Variants in TMEM236 observed in about 807,000 individuals in gnomAD.
TMEM236 encodes transmembrane protein 236.
Under a neutral mutation model 14.7 loss-of-function variants are expected in TMEM236, and 11 were observed. The ratio of observed to expected loss-of-function variants is 0.75; its 90% CI spans 0.47 to 1.24. The LOEUF is 1.24. Among genes scored for constraint, TMEM236 ranks in the 50% most tolerant of loss-of-function variants. The pLI is 0.00. For synonymous variants in TMEM236, 182 were observed against 168.6 expected, an observed-to-expected ratio of 1.08 and a Z score of -0.62; for missense variants, 464 against 427.3, an observed-to-expected ratio of 1.09 and a Z score of -0.76.
In TMEM236 at chr10:17,752,645, C is replaced by A; in HGVS notation, c.257+93C>A. On this transcript the variant is annotated intron_variant, in intron 1 of 3. Coordinates refer to ENST00000377495, the MANE Select transcript of TMEM236 (RefSeq NM_001098844.3). The stretch of plus-strand genomic sequence containing the variant: ...GCAGTAGGGCAGTCTTGGCTCACTG[C>A]AACGTCCGCCTCCTGGGTTCAAGTG... 2.4e-6 allele frequency: 3 copies of A among 1,244,780 alleles called. No individual in the cohort carries two copies. The South Asian group carries it at 3.7e-5, about 15-fold the overall frequency. The allele number at this position is 1,244,780 out of a possible 1,614,324, so 77.1% of individuals were successfully genotyped here. A position where few individuals can be genotyped will look rare whatever the true frequency, so the allele number is the denominator to read the frequency against.
At chr10:17,794,712 C>T (rs1837982578) in intron 3 of TMEM236, among the ~76,000 whole-genome samples, 1 of 152,170 alleles carries the variant, frequency 6.6e-6, no homozygotes, top group South Asian at 2.1e-4. Flanking sequence ...TTCAGCATGT[C>T]ACTCTTCACT....
intron 1 of TMEM236, among the ~76,000 whole-genome samples, chr10:17,770,077 A>T (rs1837543767): frequency 6.6e-6 from 1 of 152,170 alleles, no homozygotes; most frequent in South Asian, 2.1e-4. Flanking sequence ...ATAAGTGAGA[A>T]CATACAGTAT....
intron 3 of TMEM236, among the ~76,000 whole-genome samples, chr10:17,791,549 C>A (rs888682333): frequency 6.6e-6 from 1 of 152,128 alleles, no homozygotes; most frequent in African/African-American, 2.4e-5. Context: ...GTGCCTGATA[C>A]GTACAAAGTT....
intron 2 of TMEM236, among the ~76,000 whole-genome samples, chr10:17,773,178 G>C (rs1326472656): frequency 2.6e-5 from 4 of 152,148 alleles, no homozygotes; most frequent in Non-Finnish European, 5.9e-5. Flanking sequence ...ATTTCTGTTG[G>C]TTATGTATGC....
At chr10:17,752,675 T>A in intron 1 of TMEM236, 123 bp downstream of exon 1, 1 of 966,782 alleles carries the variant, frequency 1.0e-6, no homozygotes, top group Non-Finnish European at 1.6e-6. Context: ...CAAGTGATTC[T>A]CCTGCCTCAG....
At chr10:17,756,021 C>CT in intron 1 of TMEM236, among the ~76,000 whole-genome samples, 1 of 152,306 alleles carries the variant, frequency 6.6e-6, no homozygotes, top group South Asian at 2.1e-4. Flanking sequence ...AATCCCAACA[C>CT]TTTGGGAGGC....
intron 3 of TMEM236, among the ~76,000 whole-genome samples, chr10:17,792,350 A>G (rs1455958951): frequency 6.6e-6 from 1 of 152,146 alleles, no homozygotes; most frequent in Non-Finnish European, 1.5e-5. Flanking sequence ...AGCCTCCCAA[A>G]GTGCTGGGAT....
At chr10:17,768,343 G>C (rs1034819844) in intron 1 of TMEM236, among the ~76,000 whole-genome samples, 9 of 151,918 alleles carry the variant, frequency 5.9e-5, no homozygotes, top group African/African-American at 2.2e-4. Flanking sequence ...ACTTTAAAAA[G>C]AATTTGGATT....
rs1049159023 is a variant in TMEM236, at chr10:17,795,783, A to T, written c.473-138A>T. ...GCACATGTATCCTGGAACTTAAAAT[A>T]AAATTAAATTAAATTAAGTGAAAAA... is the stretch of plus-strand genomic sequence containing the variant. On this transcript the variant is annotated intron_variant, in intron 3 of 3. Coordinates refer to ENST00000377495, the MANE Select transcript of TMEM236 (RefSeq NM_001098844.3). The T allele has an allele frequency of 5.0e-4, 491 of 989,368 alleles. 6 individuals carry two copies. The East Asian group carries it at 0.011, about 22-fold the overall frequency. The allele number at this position is 989,368 out of a possible 1,614,324, so 61.3% of individuals were successfully genotyped here.
chr10:17,787,725 T>C (rs1358292482), intron 3 of TMEM236, among the ~76,000 whole-genome samples: 3 of 152,196 alleles, frequency 2.0e-5, no homozygotes, highest in East Asian at 3.8e-4. Context: ...GAGGCTGCCT[T>C]TTGCGGAGCT....
At chr10:17,778,704 G>C (rs1270878928) in intron 3 of TMEM236, among the ~76,000 whole-genome samples, 3 of 152,194 alleles carry the variant, frequency 2.0e-5, no homozygotes, top group South Asian at 2.1e-4. Context: ...CTTTATGCTA[G>C]ATGAAACCAA....
At chr10:17,786,417 G>A (rs1837838295) in intron 3 of TMEM236, among the ~76,000 whole-genome samples, 1 of 152,170 alleles carries the variant, frequency 6.6e-6, no homozygotes, top group East Asian at 1.9e-4. Context: ...GGAGGGCAGT[G>A]CCACGATCAC....
chr10:17,796,551 C>T lies in TMEM236; in HGVS notation c.*47C>T, dbSNP rs1838018601. The T allele has an allele frequency of 6.8e-7, 1 of 1,470,878 alleles. No individual in the cohort carries two copies. The highest frequency in any genetic ancestry group is 9.5e-7 in the Non-Finnish European group (1 of 1,051,478). 91.1% of individuals were successfully genotyped at this position (1,470,878 alleles called of 1,614,324 possible). A position where few individuals can be genotyped will look rare whatever the true frequency, so the allele number is the denominator to read the frequency against. On this transcript the variant is annotated 3_prime_UTR_variant, in exon 4 of 4. Coordinates refer to ENST00000377495, the MANE Select transcript of TMEM236 (RefSeq NM_001098844.3). ...GGCCTCTTTGTGATACCTGTGTGCA[C>T]ATTTGTAATCCTTCTTTTTTTCTTG...
intron 3 of TMEM236, among the ~76,000 whole-genome samples, chr10:17,790,380 A>T (rs1302357537): frequency 6.6e-6 from 1 of 152,130 alleles, no homozygotes. Flanking sequence ...AGTATCTTAG[A>T]CATTGTAAGT....
chr10:17,782,927 T>C (rs1343744665), intron 3 of TMEM236, among the ~76,000 whole-genome samples: 1 of 152,150 alleles, frequency 6.6e-6, no homozygotes, highest in Non-Finnish European at 1.5e-5. Context: ...GTAAAAGGGT[T>C]GAGAAGGACA....
intron 3 of TMEM236, among the ~76,000 whole-genome samples, chr10:17,785,744 C>CG (rs1387171188): frequency 4.3e-4 from 65 of 151,300 alleles, no homozygotes; most frequent in East Asian, 2.5e-3. Flanking sequence ...GGGGACCAAC[C>CG]GGGGGGGGAT....
chr10:17,752,954 C>T (rs1837231167), intron 1 of TMEM236, among the ~76,000 whole-genome samples: 2 of 151,970 alleles, frequency 1.3e-5, no homozygotes. Context: ...TTTGTTTTAA[C>T]TTTAAAGTTC....
At position 17,776,103 on chromosome 10, in the gene TMEM236, G is replaced by A; in HGVS notation, c.405G>A (p.Leu135=). 2 of 1,613,776 alleles carry A rather than the reference G, an allele frequency of 1.2e-6. No individual in the cohort carries two copies. Among genetic ancestry groups the A allele is most frequent in the South Asian group, 2.2e-5 (2 of 91,068 alleles). Residue 135 remains leucine, a synonymous_variant, in exon 3 of 4, where the codon CTG becomes CTA. Coordinates refer to ENST00000377495, the MANE Select transcript of TMEM236 (RefSeq NM_001098844.3). The stretch of plus-strand genomic sequence containing the variant: ...CTGACCTGCCCGTATCTCTGGTTCT[G>A]TTATCCCTGATCATGGTTGATATTA... The part of the protein sequence containing the change: ...MLPDLPVSLV[L]LSLIMVDIIE...
chr10:17,766,171 T>C (rs1837459838), intron 1 of TMEM236, among the ~76,000 whole-genome samples: 3 of 152,140 alleles, frequency 2.0e-5, no homozygotes, highest in Admixed American at 2.0e-4. Context: ...TTATCTCTCT[T>C]TCTTCATTCA....
Sources: allele counts gnomAD v4.1 joint callset (sites outside exome capture counted in the v4.1 genomes callset), GRCh38; gene constraint gnomAD v4.1.1; transcripts MANE v1.5; gene names NCBI Gene and HGNC (gene_info 2026-07-23, HGNC 2026-07-21).